Variants in ZCCHC4 observed in about 807,000 individuals in gnomAD.
ZCCHC4 encodes zinc finger CCHC-type containing 4.
Under a neutral mutation model 67.7 loss-of-function variants are expected in ZCCHC4, and 54 were observed. That is an observed-to-expected ratio of 0.80 (90% CI 0.64 to 1.00). ZCCHC4 has a LOEUF of 1.00. Among genes scored for constraint, ZCCHC4 ranks in the 50% least tolerant of loss-of-function variants. The pLI is 0.00. For synonymous variants in ZCCHC4, 198 were observed against 213.5 expected, an observed-to-expected ratio of 0.93 and a Z score of 0.63; for missense variants, 609 against 617.0, an observed-to-expected ratio of 0.99 and a Z score of 0.14.
At position 25,349,611 on chromosome 4, in the gene ZCCHC4, A is replaced by C. The variant is rs769561993; in HGVS notation, c.879A>C (p.Leu293Phe). 2.5e-6 allele frequency: 4 copies of C among 1,613,870 alleles called. No individual in the cohort carries two copies. In the African/African-American group the frequency reaches 5.3e-5, roughly 22 times the overall value. The change falls in exon 7 of 13, where the codon TTA becomes TTC. Residue 293 changes from leucine to phenylalanine, a missense_variant. By Grantham distance (22) the Leu-to-Phe change is conservative (BLOSUM62 0). Coordinates refer to ENST00000302874, the MANE Select transcript of ZCCHC4 (RefSeq NM_024936.3). ...VEPLAITFKK[L>F]IAMWKEGQSQ... ...CTCTGGCTATTACATTCAAGAAGTTAATTGCTATGTGGAAAGAAGGTCAAA... is the reference window on the plus strand; with the variant it reads ...CTCTGGCTATTACATTCAAGAAGTTCATTGCTATGTGGAAAGAAGGTCAAA...
intron 3 of ZCCHC4, among the ~76,000 whole-genome samples, chr4:25,321,340 A>G (rs1718576201): frequency 6.6e-6 from 1 of 151,188 alleles, no homozygotes; most frequent in Non-Finnish European, 1.5e-5. Flanking sequence ...GTAGCCTCCA[A>G]CTTTTGGGAT....
intron 7 of ZCCHC4, among the ~76,000 whole-genome samples, chr4:25,350,628 CAA>C (rs1285218021): frequency 1.7e-4 from 26 of 152,070 alleles, no homozygotes; most frequent in African/African-American, 6.3e-4. Context: ...TTCTAGCTCG[CAA>C]GTTGATAAAT....
Position 25,329,533 on chromosome 4 carries a change from C to CTTT in ZCCHC4, c.330-3637_330-3635dup, listed in dbSNP as rs56340221. ...GTAGATTTCGTCTTTTTATATTTTC[C>CTTT]TTTTTTTTTTTTTTTGTTTTGAGAC... On this transcript the variant is annotated intron_variant, in intron 3 of 12. Coordinates refer to ENST00000302874, the MANE Select transcript of ZCCHC4 (RefSeq NM_024936.3). 1.8e-3 allele frequency among the ~76,000 whole-genome samples: 227 copies of CTTT among 127,106 alleles called. 1 individual carries two copies. Among genetic ancestry groups the CTTT allele is most frequent in the Middle Eastern group, 9.7e-3 (2 of 206 alleles). The allele number at this position is 127,106 out of a possible 152,430, so 83.4% of individuals were successfully genotyped here.
intron 3 of ZCCHC4, among the ~76,000 whole-genome samples, chr4:25,317,364 G>A (rs1577721081): frequency 6.6e-6 from 1 of 152,104 alleles, no homozygotes; most frequent in South Asian, 2.1e-4. Flanking sequence ...AGATGTCTAT[G>A]TATTCACTGT....
intron 3 of ZCCHC4, among the ~76,000 whole-genome samples, chr4:25,315,954 A>G (rs935514271): frequency 6.6e-6 from 1 of 152,160 alleles, no homozygotes; most frequent in African/African-American, 2.4e-5. Context: ...ACTGGGCTCA[A>G]GGGATCCGCC....
intron 12 of ZCCHC4, chr4:25,366,354 C>T (rs1443080492): frequency 1.7e-5 from 13 of 768,000 alleles, no homozygotes; most frequent in Middle Eastern, 6.8e-4. Flanking sequence ...CTTGCTCTGT[C>T]GCCCAGGCTG....
chr4:25,348,950 T>A (rs777250252), intron 6 of ZCCHC4, among the ~76,000 whole-genome samples: 70 of 152,214 alleles, frequency 4.6e-4, no homozygotes, highest in Non-Finnish European at 8.7e-4. Flanking sequence ...GCTTTGTCGT[T>A]TGTGAACTTT....
In ZCCHC4 at chr4:25,364,493, T is replaced by C. The variant is rs752897745; in HGVS notation, c.1249T>C (p.Cys417Arg). 1 of 1,551,460 alleles carries C rather than the reference T, an allele frequency of 6.4e-7. No individual in the cohort carries two copies. The highest frequency in any genetic ancestry group is 8.7e-7 in the Non-Finnish European group (1 of 1,154,744). ...KWNHCFLCKK[C>R]VKPSWIHCSI... ...GAACCATTGCTTTCTCTGTAAAAAGTGTGTAAAGCCTTGTAAGTATTGAGA... is the reference window on the plus strand; with the variant it reads ...GAACCATTGCTTTCTCTGTAAAAAGCGTGTAAAGCCTTGTAAGTATTGAGA... The change falls in exon 11 of 13, where the codon TGT (cysteine) becomes CGT (arginine). Residue 417 changes from cysteine to arginine, a missense_variant. By Grantham distance (180) the Cys-to-Arg change is radical. Transcript: ENST00000302874.
At chr4:25,320,735 TC>T (rs1718540583) in intron 3 of ZCCHC4, among the ~76,000 whole-genome samples, 1 of 152,226 alleles carries the variant, frequency 6.6e-6, no homozygotes, top group African/African-American at 2.4e-5. Flanking sequence ...GCACAAGATC[TC>T]AGTTTATCTT....
chr4:25,362,146 A>T, intron 9 of ZCCHC4, 80 bp from the exon 10 acceptor site: 1 of 1,470,798 alleles, frequency 6.8e-7, no homozygotes, highest in Non-Finnish European at 9.3e-7. Flanking sequence ...CAGTTTTTGT[A>T]ATGAGTGCTT....
chr4:25,349,031 C>T (rs1490106134), intron 6 of ZCCHC4, among the ~76,000 whole-genome samples: 1 of 152,202 alleles, frequency 6.6e-6, no homozygotes, highest in East Asian at 1.9e-4. Flanking sequence ...GCATGTTTAA[C>T]TGCTAATTTG....
At chr4:25,315,710 GTGT>G (rs1247401933) in intron 3 of ZCCHC4, among the ~76,000 whole-genome samples, 2 of 109,666 alleles carry the variant, frequency 1.8e-5, no homozygotes, top group Non-Finnish European at 3.7e-5. Flanking sequence ...TTATTTTTGT[GTGT>G]TTTTTTTTTT....
In ZCCHC4 at chr4:25,361,914, C is replaced by T. The variant is rs757770255; in HGVS notation, c.1067C>T (p.Ser356Phe). 6.2e-6 allele frequency: 10 copies of T among 1,613,784 alleles called. No homozygotes were observed. The highest frequency in any genetic ancestry group is 1.7e-5 in the Admixed American group (1 of 59,990). Residue 356 changes from serine (S) to phenylalanine (F), a missense_variant, in exon 9 of 13, where the codon TCT becomes TTT. Transcript: ENST00000302874. ...CACGGAAAGACAGGTCGAAAACAGT[C>T]TCCCGTGCGTATTTTCACCAACATT... Reference protein sequence around the residue: ...YKHGKTGRKQSPVRIFTNIPP... With the variant: ...YKHGKTGRKQFPVRIFTNIPP...
intron 8 of ZCCHC4, among the ~76,000 whole-genome samples, chr4:25,360,047 C>G (rs1017480237): frequency 6.6e-6 from 1 of 152,220 alleles, no homozygotes; most frequent in Non-Finnish European, 1.5e-5. Flanking sequence ...AGGACAGTAT[C>G]ACTATATAGT....
intron 6 of ZCCHC4, among the ~76,000 whole-genome samples, chr4:25,346,674 ATATT>A (rs1720037715): frequency 6.6e-6 from 1 of 152,198 alleles, no homozygotes; most frequent in South Asian, 2.1e-4. Flanking sequence ...ATTGGGATAT[ATATT>A]AATATTTTTC....
intron 5 of ZCCHC4, among the ~76,000 whole-genome samples, chr4:25,340,449 T>C (rs1329739127): frequency 7.7e-6 from 1 of 129,714 alleles, no homozygotes; most frequent in Non-Finnish European, 1.7e-5. Flanking sequence ...TATTTTGTTC[T>C]TTTTCAAGAT....
chr4:25,317,152 T>A (rs1465560805), intron 3 of ZCCHC4, among the ~76,000 whole-genome samples: 1 of 152,194 alleles, frequency 6.6e-6, no homozygotes, highest in East Asian at 1.9e-4. Context: ...AGGTTTTTAC[T>A]TTTATGGCAG....
At chr4:25,364,948 C>A in intron 11 of ZCCHC4, 74 bp from the exon 12 acceptor site, 1 of 1,588,362 alleles carries the variant, frequency 6.3e-7, no homozygotes, top group Non-Finnish European at 8.6e-7. Context: ...GTTCGTATAT[C>A]CTACCTTAAA....
Position 25,324,014 on chromosome 4 carries a change from G to GGTTTTTTTTTTTTTT in ZCCHC4, c.329+8614_329+8615insGTTTTTTTTTTTTTT, listed in dbSNP as rs777768505. Among the ~76,000 whole-genome samples the GGTTTTTTTTTTTTTT allele has an allele frequency of 7.9e-3, 651 of 82,418 alleles. 4 individuals carry two copies. The highest frequency in any genetic ancestry group is 0.016 in the South Asian group (39 of 2,442). The allele number at this position is 82,418 out of a possible 152,430, so 54.1% of individuals were successfully genotyped here. On this transcript the variant is annotated intron_variant, in intron 3 of 12. Transcript: ENST00000302874. ...TCGTACAGTATGTACTGTTTTTTGTGTTTTTTTTTTTTTTTTGAGACAGAG... is the reference window on the plus strand; with the variant it reads ...TCGTACAGTATGTACTGTTTTTTGTGGTTTTTTTTTTTTTTTTTTTTTTTTTTTTTTGAGACAGAG...
Sources: gnomAD v4.1 joint callset for allele counts (sites outside exome capture counted in the v4.1 genomes callset) on GRCh38, gnomAD v4.1.1 for gene constraint, MANE v1.5 for transcripts, NCBI Gene and HGNC (gene_info 2026-07-23, HGNC 2026-07-21) for gene names.